The following FBXW8 variants were observed in gnomAD, a reference collection of about 807,000 sequenced individuals.
The protein encoded by FBXW8 is F-box and WD repeat domain containing 8.
A neutral mutation model predicts 65.3 loss-of-function variants in FBXW8; 57 were observed. The observed-to-expected ratio is 0.87, with a 90% CI of 0.71 to 1.09. The LOEUF (loss-of-function observed/expected upper bound fraction) is 1.09. Ranked by LOEUF, FBXW8 falls within the 50% of genes least tolerant of loss-of-function variation. FBXW8 has a pLI of 0.00. For synonymous variants in FBXW8, 308 were observed against 330.2 expected, an observed-to-expected ratio of 0.93 and a Z score of 0.73; for missense variants, 777 against 814.8, an observed-to-expected ratio of 0.95 and a Z score of 0.57.
intron 2 of FBXW8, among the ~76,000 whole-genome samples, chr12:116,935,728 T>C (rs1882106882): frequency 6.6e-6 from 1 of 152,230 alleles, no homozygotes; most frequent in Non-Finnish European, 1.5e-5. Flanking sequence ...TTGTTCACTT[T>C]ACTCTTGTGT....
chr12:116,924,104 C>A (rs151254283), intron 1 of FBXW8, among the ~76,000 whole-genome samples: 157 of 152,246 alleles, frequency 1.0e-3, no homozygotes, highest in Non-Finnish European at 1.6e-3. Context: ...GTCTTTAATT[C>A]CTTTTCCTTC....
chr12:116,994,171 T>A (rs756871066), intron 7 of FBXW8, among the ~76,000 whole-genome samples: 3 of 152,182 alleles, frequency 2.0e-5, no homozygotes, highest in Non-Finnish European at 2.9e-5. Context: ...AGTAGATATG[T>A]ATTGGTACTG....
At chr12:117,021,187 TG>T (rs1272148326) in intron 8 of FBXW8, among the ~76,000 whole-genome samples, 3 of 152,232 alleles carry the variant, frequency 2.0e-5, no homozygotes, top group African/African-American at 7.2e-5. Flanking sequence ...GGCATTGCAT[TG>T]TAGTTTTACT....
chr12:116,923,717 A>T (rs11068242), intron 1 of FBXW8, among the ~76,000 whole-genome samples: 10,791 of 140,304 alleles, frequency 0.077, 445 homozygotes, highest in Middle Eastern at 0.11. Flanking sequence ...TTAATTAATT[A>T]ATTTATTTAT....
chr12:117,021,973 C>T (rs1954110566), intron 8 of FBXW8, among the ~76,000 whole-genome samples: 1 of 152,128 alleles, frequency 6.6e-6, no homozygotes, highest in Admixed American at 6.6e-5. Flanking sequence ...TGATGTTTCA[C>T]TCGGATATGT....
At chr12:116,997,274 G>A (rs1218111934) in intron 7 of FBXW8, among the ~76,000 whole-genome samples, 1 of 152,124 alleles carries the variant, frequency 6.6e-6, no homozygotes, top group Non-Finnish European at 1.5e-5. Context: ...GAAAAGTGTC[G>A]TTTGGAATAT....
chr12:116,940,192 G>T (rs550163042), intron 2 of FBXW8, among the ~76,000 whole-genome samples: 1 of 152,132 alleles, frequency 6.6e-6, no homozygotes, highest in Non-Finnish European at 1.5e-5. Flanking sequence ...TGTCAGCCTG[G>T]GGGGTGGGCT....
intron 3 of FBXW8, 110 bp from the exon 4 acceptor site, chr12:116,949,508 T>C (rs985035414): frequency 9.1e-6 from 8 of 883,924 alleles, no homozygotes; most frequent in Admixed American, 3.6e-5. Context: ...AATGCACTTG[T>C]TGTCCATGCT....
chr12:116,957,424 C>T (rs1015786873), intron 4 of FBXW8, among the ~76,000 whole-genome samples: 1 of 152,120 alleles, frequency 6.6e-6, no homozygotes, highest in African/African-American at 2.4e-5. Context: ...AATGTGAATA[C>T]GTATATATTT....
At chr12:116,964,662 C>A (rs1383411807) in intron 4 of FBXW8, 35 bp from the exon 5 acceptor site, 5 of 1,612,168 alleles carry the variant, frequency 3.1e-6, no homozygotes, top group Non-Finnish European at 4.2e-6. Context: ...GCTCTTCAAT[C>A]TCCTTTTGGA....
intron 7 of FBXW8, among the ~76,000 whole-genome samples, chr12:116,993,098 CTTT>C (rs71099026): frequency 4.7e-5 from 4 of 85,420 alleles, no homozygotes; most frequent in Admixed American, 1.9e-4. Context: ...TGATTTTTGA[CTTT>C]TTTTTTTTTT....
chr12:117,024,991 C>T (rs1954191168), intron 9 of FBXW8, among the ~76,000 whole-genome samples: 1 of 152,164 alleles, frequency 6.6e-6, no homozygotes, highest in South Asian at 2.1e-4. Flanking sequence ...TGGCACCTAA[C>T]TGGTTAAGAC....
At chr12:117,024,344 T>C (rs1954175306) in intron 9 of FBXW8, 24 bp downstream of exon 9, 1 of 1,613,028 alleles carries the variant, frequency 6.2e-7, no homozygotes, top group Non-Finnish European at 8.5e-7. Context: ...TAGACACTCT[T>C]GGGAGTTCCT....
At position 116,964,728 on chromosome 12, in the gene FBXW8, A is replaced by T; in HGVS notation, c.709A>T (p.Thr237Ser). Residue 237 changes from threonine to serine, a missense_variant, in exon 5 of 11, where the codon ACC (threonine) becomes TCC (serine). Coordinates refer to ENST00000652555, the MANE Select transcript of FBXW8 (RefSeq NM_153348.3). ...YTSGDVRVWD[T>S]RTWDYVAPFL... is the part of the protein sequence containing the mutation. ...ATCAGGGGATGTGAGAGTGTGGGAC[A>T]CCCGCACCTGGGACTACGTAGCCCC... The T allele has an allele frequency of 6.2e-7, 1 of 1,613,716 alleles. No homozygotes were observed. Among genetic ancestry groups the T allele is most frequent in the African/African-American group, 1.3e-5 (1 of 75,014 alleles).
intron 2 of FBXW8, among the ~76,000 whole-genome samples, chr12:116,937,589 T>C (rs1882254416): frequency 6.6e-6 from 1 of 152,100 alleles, no homozygotes; most frequent in Admixed American, 6.5e-5. Context: ...GAAATGACCA[T>C]TGGGTTTTGC....
intron 2 of FBXW8, among the ~76,000 whole-genome samples, chr12:116,934,742 A>G (rs1882039681): frequency 6.6e-6 from 1 of 152,236 alleles, no homozygotes. Context: ...ACAGAACAGT[A>G]GCAAACCAGG....
At chr12:117,015,565 G>A (rs1314577880) in intron 8 of FBXW8, among the ~76,000 whole-genome samples, 2 of 152,122 alleles carry the variant, frequency 1.3e-5, no homozygotes, top group Non-Finnish European at 2.9e-5. Flanking sequence ...TATCCGTGCT[G>A]TGCTATGGAG....
At chr12:116,964,160 C>A (rs535250387) in intron 4 of FBXW8, among the ~76,000 whole-genome samples, 22 of 152,334 alleles carry the variant, frequency 1.4e-4, no homozygotes, top group African/African-American at 5.3e-4. Flanking sequence ...TGTCTGGCTG[C>A]TAAAGGCAAG....
In FBXW8 at chr12:116,916,911, T is replaced by TGA. The variant is rs112182660; in HGVS notation, c.318+5571_318+5572dup. ...GTGCGTGTGTGTGTGTGTGTGTGTG[T>TGA]GAGAGAGAGAGAGAGAAAGAGGTGT... On this transcript the variant is annotated intron_variant, in intron 1 of 10. Transcript: ENST00000652555. 1.7e-4 allele frequency among the ~76,000 whole-genome samples: 25 copies of TGA among 145,708 alleles called. 1 individual carries two copies. Among genetic ancestry groups the TGA allele is most frequent in the South Asian group, 1.6e-3 (7 of 4,486 alleles).
Sources: allele counts gnomAD v4.1 joint callset (sites outside exome capture counted in the v4.1 genomes callset), GRCh38; gene constraint gnomAD v4.1.1; transcripts MANE v1.5; gene names NCBI Gene and HGNC (gene_info 2026-07-23, HGNC 2026-07-21).